The following FAM32A variants were observed in gnomAD, a reference collection of about 807,000 sequenced individuals.
The protein encoded by FAM32A is protein FAM32A.
FAM32A carries 9 observed loss-of-function variants against 15.8 expected under a neutral mutation model. The observed-to-expected ratio is 0.57, with a 90% confidence interval of 0.34 to 1.00. The LOEUF is 1.00. FAM32A is among the 50% of genes least tolerant of loss of function. FAM32A has a pLI of 0.02. For missense variants in FAM32A, 113 were observed against 138.3 expected, an observed-to-expected ratio of 0.82 and a Z score of 0.92; for synonymous variants, 64 against 54.9, an observed-to-expected ratio of 1.16 and a Z score of -0.73.
At position 16,191,168 on chromosome 19, in the gene FAM32A, G is replaced by C; in HGVS notation, c.*213G>C. ...AGTTTAGGCTTCTTGGCAACATACA[G>C]AAGATACACCCTTTTCGTTTGGATG... On this transcript the variant is annotated 3_prime_UTR_variant, in exon 4 of 4. Transcript: ENST00000263384. 3 of 570,684 alleles carry C rather than the reference G, an allele frequency of 5.3e-6. No homozygotes were observed. Among genetic ancestry groups the C allele is most frequent in the Non-Finnish European group, 9.5e-6 (3 of 315,548 alleles). The allele number at this position is 570,684 out of a possible 1,614,324, so 35.4% of individuals were successfully genotyped here. A position where few individuals can be genotyped will look rare whatever the true frequency, so the allele number is the denominator to read the frequency against.
intron 2 of FAM32A, chr19:16,187,323 G>T (rs1041084577): frequency 6.6e-6 from 1 of 151,872 alleles, no homozygotes; most frequent in Admixed American, 6.6e-5. Context: ...GCCGGGCATG[G>T]TGGCACACAC....
chr19:16,189,363 C>T (rs1327867598), intron 2 of FAM32A: 1 of 152,350 alleles, frequency 6.6e-6, no homozygotes, highest in African/African-American at 2.4e-5. Flanking sequence ...CATGTCATCT[C>T]ATCTTCCAGG....
At chr19:16,189,884 G>A (rs2091399520) in intron 2 of FAM32A, among the ~76,000 whole-genome samples, 1 of 151,658 alleles carries the variant, frequency 6.6e-6, no homozygotes, top group South Asian at 2.1e-4. Flanking sequence ...GCCCAGGCTA[G>A]TCTTGAACTC....
At chr19:16,188,405 G>T (rs141601533) in intron 2 of FAM32A, among the ~76,000 whole-genome samples, 1 of 152,112 alleles carries the variant, frequency 6.6e-6, no homozygotes, top group East Asian at 1.9e-4. Context: ...TGAGGGAGGG[G>T]GAACCAAAGC....
chr19:16,186,577 G>C (rs2091386832), intron 2 of FAM32A: 1 of 152,218 alleles, frequency 6.6e-6, no homozygotes, highest in African/African-American at 2.4e-5. Context: ...CTCAGCTGTT[G>C]ATATTGAATG....
At chr19:16,189,132 C>T (rs763971039) in intron 2 of FAM32A, among the ~76,000 whole-genome samples, 2 of 151,174 alleles carry the variant, frequency 1.3e-5, no homozygotes, top group African/African-American at 4.9e-5. Flanking sequence ...AAGCTATTCT[C>T]CTGCCTCAGC....
At position 16,191,505 on chromosome 19, in the gene FAM32A, C is replaced by T. The variant is rs2091407146; in HGVS notation, c.*550C>T. 6.4e-6 allele frequency: 1 copy of T among 156,000 alleles called. No homozygotes were observed. Among genetic ancestry groups the T allele is most frequent in the African/African-American group, 2.4e-5 (1 of 41,488 alleles). The allele number at this position is 156,000 out of a possible 1,614,324, so 9.7% of individuals were successfully genotyped here. The stretch of plus-strand genomic sequence containing the variant: ...CTCAGCCACCTGGCCACTGAGACAG[C>T]ATAGCCTGGGTAACGGAACAGCCAC... On this transcript the variant is annotated 3_prime_UTR_variant, in exon 4 of 4. Transcript: ENST00000263384.
chr19:16,185,559 A>G, intron 1 of FAM32A, 43 bp downstream of exon 1: 1 of 1,578,208 alleles, frequency 6.3e-7, no homozygotes, highest in South Asian at 1.2e-5. Context: ...CATCCCCCTT[A>G]GACCTTTTCT....
rs1043887795 is a variant in FAM32A, at chr19:16,185,660, C to G, written c.111C>G (p.Leu37=). The G allele has an allele frequency of 1.3e-6, 2 of 1,592,256 alleles. No individual in the cohort carries two copies. Among genetic ancestry groups the G allele is most frequent in the East Asian group, 4.5e-5 (2 of 44,396 alleles). ...KKKKDKDKAK[L]LEAMGTSKKN... ...AGAAGGACAAAGACAAAGCGAAACT[C>G]CTGGAAGCAATGGGAACGAGCAAAA... The change falls in exon 2 of 4, where the codon CTC becomes CTG. Residue 37 remains leucine (L), a synonymous_variant. Transcript: ENST00000263384.
Position 16,185,766 on chromosome 19 carries a change from G to A in FAM32A, c.216+1G>A. 1 of 1,548,864 alleles carries A rather than the reference G, an allele frequency of 6.5e-7. No homozygotes were observed. Among genetic ancestry groups the A allele is most frequent in the Non-Finnish European group, 8.7e-7 (1 of 1,146,234 alleles). On this transcript the variant is annotated splice_donor_variant, in intron 2 of 3. Coordinates refer to ENST00000263384, the MANE Select transcript of FAM32A (RefSeq NM_014077.4). LOFTEE classifies it high-confidence loss of function. ...CTTCGAGAAAATGCAGGAGAAGCGG[G>A]TGAGCAGAAGCAGAAGGCGGCGGGG...
chr19:16,189,019 CTTTT>C (rs11340905), intron 2 of FAM32A, among the ~76,000 whole-genome samples: 2 of 83,392 alleles, frequency 2.4e-5, no homozygotes, highest in Non-Finnish European at 4.9e-5. Context: ...CTCAGTGCTT[CTTTT>C]TTTTTTTTTT....
Position 16,191,460 on chromosome 19 carries a change from T to C in FAM32A, c.*505T>C, listed in dbSNP as rs781742221. ...GCCCTAGGGAAGCCACTTGCAACTATGCGGCCTTCAGACTTCCTCCTCAGC... is the reference window on the plus strand; with the variant it reads ...GCCCTAGGGAAGCCACTTGCAACTACGCGGCCTTCAGACTTCCTCCTCAGC... On this transcript the variant is annotated 3_prime_UTR_variant, in exon 4 of 4. Coordinates refer to ENST00000263384, the MANE Select transcript of FAM32A (RefSeq NM_014077.4). The C allele has an allele frequency of 1.3e-5, 2 of 155,650 alleles. No individual in the cohort carries two copies. Among genetic ancestry groups the C allele is most frequent in the Non-Finnish European group, 2.9e-5 (2 of 70,138 alleles). The allele number at this position is 155,650 out of a possible 1,614,324, so 9.6% of individuals were successfully genotyped here.
In FAM32A at chr19:16,190,551, A is replaced by C; in HGVS notation, c.248A>C (p.Lys83Thr). 6.2e-7 allele frequency: 1 copy of C among 1,613,514 alleles called. No individual in the cohort carries two copies. The highest frequency in any genetic ancestry group is 1.7e-5 in the Admixed American group (1 of 59,960). ...GAAAGGATCCTAAAGAAGGCATCCA[A>C]AACCCACAAGCAGAGAGTGGAGGTG... The part of the protein sequence containing the change: ...QMERILKKAS[K>T]THKQRVEDFN... The change falls in exon 3 of 4, where the codon AAA becomes ACA. Residue 83 changes from lysine to threonine, a missense_variant. By Grantham distance (78) the Lys-to-Thr change is moderately conservative (BLOSUM62 -1). Around this residue, in one of 2 missense-constraint regions of FAM32A, gnomAD observed 112 missense variants for 118.6 expected, o/e 0.94. Transcript: ENST00000263384.
chr19:16,191,674 C>G lies in FAM32A; in HGVS notation c.*719C>G, dbSNP rs2091407913. The stretch of plus-strand genomic sequence containing the variant: ...TTCTTTGAAATGGAACCAGACACAG[C>G]CTGCCTCTCAATCCTCAGCTGGGGG... On this transcript the variant is annotated 3_prime_UTR_variant, in exon 4 of 4. Coordinates refer to ENST00000263384, the MANE Select transcript of FAM32A (RefSeq NM_014077.4). 6.6e-6 allele frequency: 1 copy of G among 152,448 alleles called. No homozygotes were observed. The highest frequency in any genetic ancestry group is 2.4e-5 in the African/African-American group (1 of 41,470). The allele number at this position is 152,448 out of a possible 1,614,324, so 9.4% of individuals were successfully genotyped here. A position where few individuals can be genotyped will look rare whatever the true frequency, so the allele number is the denominator to read the frequency against.
intron 2 of FAM32A, among the ~76,000 whole-genome samples, chr19:16,190,163 C>G (rs1466897861): frequency 6.6e-6 from 1 of 151,762 alleles, no homozygotes; most frequent in East Asian, 1.9e-4. Context: ...CTTTACCTCT[C>G]TCTTTCTCAT....
Position 16,191,163 on chromosome 19 carries a change from A to G in FAM32A, c.*208A>G. 1 of 572,786 alleles carries G rather than the reference A, an allele frequency of 1.7e-6. No individual in the cohort carries two copies. Among genetic ancestry groups the G allele is most frequent in the Non-Finnish European group, 3.2e-6 (1 of 317,010 alleles). The allele number at this position is 572,786 out of a possible 1,614,324, so 35.5% of individuals were successfully genotyped here. A position where few individuals can be genotyped will look rare whatever the true frequency, so the allele number is the denominator to read the frequency against. ...TACTCAGTTTAGGCTTCTTGGCAAC[A>G]TACAGAAGATACACCCTTTTCGTTT... On this transcript the variant is annotated 3_prime_UTR_variant, in exon 4 of 4. Transcript: ENST00000263384.
In FAM32A at chr19:16,185,509, A is replaced by G. The variant is rs1392766896; in HGVS notation, c.67A>G (p.Thr23Ala). Reference sequence around the variant, plus strand: ...GAAAGGCGTCGCAGAGCTGGGAGTGACCAAGCGGTGAGGCCCGAGGGCCCG... The same window carrying G: ...GAAAGGCGTCGCAGAGCTGGGAGTGGCCAAGCGGTGAGGCCCGAGGGCCCG... Reference protein sequence around the residue: ...KLKGVAELGVTKRKKKKKDKD... With the variant: ...KLKGVAELGVAKRKKKKKDKD... Residue 23 changes from threonine to alanine, a missense_variant, in exon 1 of 4, where the codon ACC (threonine) becomes GCC (alanine). Thr to Ala is a moderately conservative substitution (Grantham distance 58, BLOSUM62 0). This residue lies in a region of FAM32A where 112 missense variants were observed against 118.6 expected (regional missense o/e 0.94). Coordinates refer to ENST00000263384, the MANE Select transcript of FAM32A (RefSeq NM_014077.4). 1 of 1,565,946 alleles carries G rather than the reference A, an allele frequency of 6.4e-7. No individual in the cohort carries two copies. Among genetic ancestry groups the G allele is most frequent in the Non-Finnish European group, 8.7e-7 (1 of 1,154,588 alleles).
At chr19:16,187,199 A>G (rs931128954) in intron 2 of FAM32A, 1 of 152,096 alleles carries the variant, frequency 6.6e-6, no homozygotes, top group Non-Finnish European at 1.5e-5. Flanking sequence ...AGTCTGCCTC[A>G]CAGGGTTGTG....
At chr19:16,186,947 A>G (rs1196182602) in intron 2 of FAM32A, among the ~76,000 whole-genome samples, 1 of 152,168 alleles carries the variant, frequency 6.6e-6, no homozygotes, top group African/African-American at 2.4e-5. Flanking sequence ...CCGGCTCCAA[A>G]TGTCAGTAGC....
Sources: allele counts gnomAD v4.1 joint callset (sites outside exome capture counted in the v4.1 genomes callset), GRCh38; gene constraint gnomAD v4.1.1; regional missense constraint gnomAD v4.1.1; transcripts MANE v1.5; gene names NCBI Gene and HGNC (gene_info 2026-07-23, HGNC 2026-07-21).